GKAP1: variants seen among roughly 807,000 people sequenced by gnomAD.
GKAP1 encodes G kinase-anchoring protein 1.
In GKAP1, 31 loss-of-function variants were observed where a neutral mutation model predicts 56.7. That is an observed-to-expected ratio of 0.55 (90% confidence interval 0.41 to 0.74). The LOEUF (loss-of-function observed/expected upper bound fraction) is 0.74, where lower values mean the gene tolerates loss of function less well. GKAP1 is among the 30% of genes least tolerant of loss of function. GKAP1 has a pLI of 0.00. For synonymous variants in GKAP1, 151 were observed against 138.6 expected (o/e 1.09, Z -0.63); for missense variants, 364 against 402.3 (o/e 0.90, Z 0.82).
intron 2 of GKAP1, among the ~76,000 whole-genome samples, chr9:83,812,021 G>A (rs1944512093): frequency 6.6e-6 from 1 of 151,660 alleles, no homozygotes; most frequent in Admixed American, 6.6e-5. Flanking sequence ...AATGAAAGAA[G>A]GGAATAAAAC....
intron 10 of GKAP1, among the ~76,000 whole-genome samples, chr9:83,744,581 C>T (rs1269984740): frequency 1.3e-5 from 2 of 152,132 alleles, no homozygotes; most frequent in African/African-American, 2.4e-5. Context: ...TGTAAAACTG[C>T]GTTACTGTTT....
At chr9:83,786,838 C>T (rs77901069) in intron 5 of GKAP1, among the ~76,000 whole-genome samples, 2,561 of 152,244 alleles carry the variant, frequency 0.017, 66 homozygotes, top group African/African-American at 0.059. Flanking sequence ...TTTATCAACA[C>T]TATTTACTCT....
intron 7 of GKAP1, among the ~76,000 whole-genome samples, chr9:83,775,873 TCA>T (rs1943851206): frequency 3.0e-5 from 1 of 32,836 alleles, no homozygotes. Flanking sequence ...AGACTCTGTC[TCA>T]AAAAAAAAAA....
chr9:83,761,247 T>C (rs1044420294), intron 8 of GKAP1, among the ~76,000 whole-genome samples: 5 of 151,960 alleles, frequency 3.3e-5, no homozygotes, highest in African/African-American at 1.2e-4. Flanking sequence ...AGAGACATTA[T>C]GACTAATACT....
At chr9:83,750,823 T>C (rs1271984548) in intron 9 of GKAP1, among the ~76,000 whole-genome samples, 1 of 152,128 alleles carries the variant, frequency 6.6e-6, no homozygotes, top group Non-Finnish European at 1.5e-5. Context: ...AGATTTTTAA[T>C]GCCCTCTCTA....
chr9:83,755,587 T>G (rs77710204), intron 8 of GKAP1, among the ~76,000 whole-genome samples: 2,553 of 152,008 alleles, frequency 0.017, 66 homozygotes, highest in African/African-American at 0.059. Flanking sequence ...TAAGAAGCCC[T>G]TCTGAAATTG....
chr9:83,804,913 C>T (rs563298941), intron 3 of GKAP1, among the ~76,000 whole-genome samples: 1 of 151,882 alleles, frequency 6.6e-6, no homozygotes, highest in Admixed American at 6.5e-5. Context: ...GCCCGGCCGC[C>T]CCTACTGGGA....
At chr9:83,768,513 C>G (rs78537401) in intron 8 of GKAP1, among the ~76,000 whole-genome samples, 1,967 of 152,322 alleles carry the variant, frequency 0.013, 38 homozygotes, top group African/African-American at 0.045. Context: ...CCCCACAACT[C>G]TGAGTGTCTA....
In GKAP1 at chr9:83,817,695, A is replaced by T. The variant is rs1225470184; in HGVS notation, c.-354T>A. On this transcript the variant is annotated 5_prime_UTR_variant, in exon 1 of 13. Transcript: ENST00000376371. ...CGGTCGGCCCACAGGCTGGGCACTAACGGGTCCCGGGGCGCCGGGGCGGAC... is the reference window on the plus strand; with the variant it reads ...CGGTCGGCCCACAGGCTGGGCACTATCGGGTCCCGGGGCGCCGGGGCGGAC... 6.7e-6 allele frequency: 1 copy of T among 149,874 alleles called. No individual in the cohort carries two copies. Among genetic ancestry groups the T allele is most frequent in the Admixed American group, 6.6e-5 (1 of 15,120 alleles). 9.3% of individuals were successfully genotyped at this position (149,874 alleles called of 1,614,324 possible).
At chr9:83,759,411 C>T (rs1943531843) in intron 8 of GKAP1, among the ~76,000 whole-genome samples, 1 of 151,854 alleles carries the variant, frequency 6.6e-6, no homozygotes, top group Non-Finnish European at 1.5e-5. Context: ...CAGATGCATG[C>T]CAACTCACCT....
At chr9:83,817,215 G>T (rs1353364769) in intron 1 of GKAP1, 88 bp from the exon 2 acceptor site, 6 of 151,886 alleles carry the variant, frequency 4.0e-5, no homozygotes, top group Non-Finnish European at 7.4e-5. Context: ...CCAGCGGCGG[G>T]GAGGGGACGG....
chr9:83,782,753 A>G (rs1587720676), intron 6 of GKAP1, among the ~76,000 whole-genome samples: 1 of 126,042 alleles, frequency 7.9e-6, no homozygotes, highest in African/African-American at 3.1e-5. Context: ...TACAACCTCC[A>G]CCTCCCCGGT....
intron 5 of GKAP1, among the ~76,000 whole-genome samples, chr9:83,785,346 C>T (rs924401821): frequency 1.8e-4 from 27 of 152,064 alleles, no homozygotes; most frequent in African/African-American, 6.0e-4. Flanking sequence ...CACTCTTAAC[C>T]TATTTTTTTA....
intron 8 of GKAP1, among the ~76,000 whole-genome samples, chr9:83,762,109 C>T (rs1405238724): frequency 2.0e-5 from 3 of 152,070 alleles, no homozygotes; most frequent in Non-Finnish European, 4.4e-5. Context: ...AGGAAGAAGT[C>T]AAATTATCCT....
chr9:83,814,607 G>A (rs1944557205), intron 2 of GKAP1, among the ~76,000 whole-genome samples: 1 of 152,144 alleles, frequency 6.6e-6, no homozygotes, highest in African/African-American at 2.4e-5. Context: ...AATACCACAG[G>A]ATCTGGCACA....
chr9:83,814,111 G>GA (rs200707833), intron 2 of GKAP1, among the ~76,000 whole-genome samples: 43 of 141,860 alleles, frequency 3.0e-4, no homozygotes, highest in Admixed American at 9.8e-4. Flanking sequence ...AGAAGAAAAA[G>GA]AAAAAAAAAA....
intron 8 of GKAP1, among the ~76,000 whole-genome samples, chr9:83,763,137 A>C (rs1030442269): frequency 1.3e-5 from 2 of 152,178 alleles, no homozygotes; most frequent in African/African-American, 4.8e-5. Flanking sequence ...TTGCAACAAC[A>C]TGGGTGGAAC....
At chr9:83,742,640 C>T in intron 10 of GKAP1, 40 bp from the exon 11 acceptor site, 1 of 1,288,104 alleles carries the variant, frequency 7.8e-7, no homozygotes, top group Non-Finnish European at 1.1e-6. Flanking sequence ...ATTTTCCAGT[C>T]ACCCAAATAC....
At chr9:83,744,938 A>C (rs536990789) in intron 10 of GKAP1, among the ~76,000 whole-genome samples, 16 of 152,174 alleles carry the variant, frequency 1.1e-4, no homozygotes, top group Non-Finnish European at 1.8e-4. Context: ...TAACATGAGA[A>C]TAGCATGGGG....
Sources: gnomAD v4.1 joint callset for allele counts (sites outside exome capture counted in the v4.1 genomes callset) on GRCh38, gnomAD v4.1.1 for gene constraint, MANE v1.5 for transcripts, NCBI Gene and HGNC (gene_info 2026-07-23, HGNC 2026-07-21) for gene names.